The following STYK1 variants were observed in gnomAD, a reference collection of about 807,000 sequenced individuals.
STYK1 encodes STY kinase 1.
In STYK1, 46 loss-of-function variants were observed where a neutral mutation model predicts 48.1. The observed-to-expected ratio is 0.96, with a 90% confidence interval of 0.75 to 1.22. The LOEUF (loss-of-function observed/expected upper bound fraction) is 1.22. STYK1 is among the 50% of genes most tolerant of loss of function. The pLI is 0.00. For missense variants in STYK1, 527 were observed against 521.1 expected, an observed-to-expected ratio of 1.01 and a Z score of -0.11; for synonymous variants, 188 against 189.0, an observed-to-expected ratio of 0.99 and a Z score of 0.04.
intron 1 of STYK1, among the ~76,000 whole-genome samples, chr12:10,638,367 T>A (rs907080137): frequency 1.3e-5 from 2 of 152,108 alleles, no homozygotes; most frequent in African/African-American, 4.8e-5. Flanking sequence ...CCCTCTTTCA[T>A]TGAGAATCCT....
At chr12:10,623,508 G>T (rs891250346) in intron 8 of STYK1, among the ~76,000 whole-genome samples, 13 of 152,032 alleles carry the variant, frequency 8.6e-5, no homozygotes, top group Non-Finnish European at 1.5e-4. Context: ...ACATGTAATT[G>T]CAATTATATG....
intron 1 of STYK1, among the ~76,000 whole-genome samples, chr12:10,659,794 A>G (rs1344224827): frequency 6.6e-6 from 1 of 152,262 alleles, no homozygotes; most frequent in Non-Finnish European, 1.5e-5. Context: ...GGCCAAGTAT[A>G]ATAGTAAAGC....
chr12:10,640,062 T>C (rs185424070), intron 1 of STYK1, among the ~76,000 whole-genome samples: 1 of 152,330 alleles, frequency 6.6e-6, no homozygotes, highest in East Asian at 1.9e-4. Context: ...ATTTTTTTCC[T>C]AGTATTCACC....
intron 1 of STYK1, among the ~76,000 whole-genome samples, chr12:10,656,517 T>TCC (rs1947720280): frequency 2.6e-5 from 4 of 151,810 alleles, no homozygotes; most frequent in Non-Finnish European, 5.9e-5. Flanking sequence ...CCCAGCTACT[T>TCC]GGGAGGCTGA....
At chr12:10,625,589 T>C (rs1947350269) in intron 7 of STYK1, among the ~76,000 whole-genome samples, 1 of 152,002 alleles carries the variant, frequency 6.6e-6, no homozygotes, top group African/African-American at 2.4e-5. Context: ...TAATGAAAAA[T>C]GTATATACAT....
chr12:10,639,358 G>A (rs563343545), intron 1 of STYK1, among the ~76,000 whole-genome samples: 1 of 152,142 alleles, frequency 6.6e-6, no homozygotes, highest in Admixed American at 6.5e-5. Flanking sequence ...ATACAAAGAA[G>A]GCAAGGCAGA....
chr12:10,631,236 A>G lies in STYK1; in HGVS notation c.260T>C (p.Leu87Pro). ...AGHGGNVALP[L>P]KETSVENFLG... ...AAAGTTTTCCACGGATGTCTCCTTAAGTGGCAAAGCCACATTTCCTCCATG... is the reference window on the plus strand; with the variant it reads ...AAAGTTTTCCACGGATGTCTCCTTAGGTGGCAAAGCCACATTTCCTCCATG... Residue 87 changes from leucine (L) to proline (P), a missense_variant, in exon 5 of 11, where the codon CTT becomes CCT. Physicochemically the swap from Leu to Pro is moderately conservative, Grantham distance 98 (BLOSUM62 -3). Coordinates refer to ENST00000075503, the MANE Select transcript of STYK1 (RefSeq NM_018423.3). The G allele has an allele frequency of 6.2e-7, 1 of 1,614,224 alleles. No individual in the cohort carries two copies. Among genetic ancestry groups the G allele is most frequent in the East Asian group, 2.2e-5 (1 of 44,880 alleles).
intron 1 of STYK1, among the ~76,000 whole-genome samples, chr12:10,641,014 T>A (rs945338958): frequency 4.6e-5 from 7 of 152,220 alleles, no homozygotes; most frequent in African/African-American, 1.4e-4. Flanking sequence ...AATTCCATAA[T>A]CCTTCATCTA....
rs1244743093 is a variant in STYK1, at chr12:10,637,181, C to T, written c.-179G>A. 6.6e-6 allele frequency: 1 copy of T among 151,972 alleles called. No individual in the cohort carries two copies. The highest frequency in any genetic ancestry group is 2.4e-5 in the African/African-American group (1 of 41,346). 9.4% of individuals were successfully genotyped at this position (151,972 alleles called of 1,614,324 possible). ...GCAAGGCTTATTGATATCTTGCAGC[C>T]CAGTGAAATTGGATGCTAGAGCAAG... On this transcript the variant is annotated 5_prime_UTR_variant, in exon 2 of 11. Coordinates refer to ENST00000075503, the MANE Select transcript of STYK1 (RefSeq NM_018423.3).
At chr12:10,620,949 C>G (rs1212170721) in intron 10 of STYK1, among the ~76,000 whole-genome samples, 1 of 151,080 alleles carries the variant, frequency 6.6e-6, no homozygotes, top group African/African-American at 2.5e-5. Context: ...TGTTTGTCAT[C>G]AATTTTTTTC....
Position 10,631,127 on chromosome 12 carries a change from A to AC in STYK1, c.368dup (p.Ser124Ter). The AC allele has an allele frequency of 1.9e-6, 3 of 1,614,214 alleles. No homozygotes were observed. The highest frequency in any genetic ancestry group is 2.5e-6 in the Non-Finnish European group (3 of 1,180,032). ...TGGCTCGAAAGATGGGCCCACAGCT[A>AC]CCACTGCAAATCTGCTCCAGAACTT... On this transcript the variant is annotated frameshift_variant, in exon 5 of 11. Coordinates refer to ENST00000075503, the MANE Select transcript of STYK1 (RefSeq NM_018423.3). LOFTEE classifies it high-confidence loss of function.
chr12:10,673,033 T>G (rs971229200), intron 1 of STYK1, among the ~76,000 whole-genome samples: 1 of 151,954 alleles, frequency 6.6e-6, no homozygotes, highest in Non-Finnish European at 1.5e-5. Context: ...GGGAAGGAAG[T>G]GTGGTCTCAT....
chr12:10,667,284 A>G (rs1947843183), intron 1 of STYK1: 1 of 152,180 alleles, frequency 6.6e-6, no homozygotes, highest in Admixed American at 6.5e-5. Flanking sequence ...AAGTTAAAAC[A>G]CTACCTTCGA....
At chr12:10,648,398 C>T (rs2120726658) in intron 1 of STYK1, among the ~76,000 whole-genome samples, 1 of 151,714 alleles carries the variant, frequency 6.6e-6, no homozygotes, top group Non-Finnish European at 1.5e-5. Flanking sequence ...AAACATAGTA[C>T]TTTTATAGTA....
intron 1 of STYK1, among the ~76,000 whole-genome samples, chr12:10,665,577 G>T (rs1947825798): frequency 6.6e-6 from 1 of 152,116 alleles, no homozygotes; most frequent in South Asian, 2.1e-4. Flanking sequence ...TTGTAGGGAT[G>T]AGAACCAGGA....
At chr12:10,654,305 T>G (rs1947694450) in intron 1 of STYK1, among the ~76,000 whole-genome samples, 1 of 152,240 alleles carries the variant, frequency 6.6e-6, no homozygotes, top group Non-Finnish European at 1.5e-5. Flanking sequence ...TAGCCCACAC[T>G]GCTGCTCTGC....
chr12:10,648,621 A>G (rs1369358776), intron 1 of STYK1, among the ~76,000 whole-genome samples: 1 of 151,924 alleles, frequency 6.6e-6, no homozygotes, highest in African/African-American at 2.4e-5. Context: ...TTATTTATTT[A>G]TTTATTTATT....
In STYK1 at chr12:10,620,311, C is replaced by T. The variant is rs764368001; in HGVS notation, c.1102G>A (p.Ala368Thr). 2 of 1,613,618 alleles carry T rather than the reference C, an allele frequency of 1.2e-6. No individual in the cohort carries two copies. Among genetic ancestry groups the T allele is most frequent in the Non-Finnish European group, 8.5e-7 (1 of 1,180,036 alleles). Residue 368 changes from alanine to threonine, a missense_variant, in exon 11 of 11, where the codon GCT (alanine) becomes ACT (threonine). Ala to Thr is a moderately conservative substitution (Grantham distance 58). Coordinates refer to ENST00000075503, the MANE Select transcript of STYK1 (RefSeq NM_018423.3). ...IMKSCWRWRE[A>T]DRPSPRELRL... ...AGCTCTCTAGGTGAGGGGCGGTCAG[C>T]CTCACGCCAGCGCCAGCAGGACTTC...
At chr12:10,669,762 A>C (rs758582114) in intron 1 of STYK1, among the ~76,000 whole-genome samples, 2 of 152,218 alleles carry the variant, frequency 1.3e-5, no homozygotes, top group Admixed American at 6.5e-5. Context: ...TCCAAAATAC[A>C]TAGGGAACTA....
Sources: allele counts gnomAD v4.1 joint callset (sites outside exome capture counted in the v4.1 genomes callset), GRCh38; gene constraint gnomAD v4.1.1; transcripts MANE v1.5; gene names NCBI Gene and HGNC (gene_info 2026-07-23, HGNC 2026-07-21).